UTRN: variants seen among roughly 807,000 people sequenced by gnomAD.
UTRN encodes the protein utrophin.
In UTRN, 283 loss-of-function variants were observed where a neutral mutation model predicts 463.9. The ratio of observed to expected loss-of-function variants is 0.61; its 90% CI spans 0.55 to 0.67. UTRN has a LOEUF of 0.67. UTRN is among the 30% of genes least tolerant of loss of function. The pLI is 0.00. For missense variants in UTRN, 3,922 were observed against 4,084.3 expected, an observed-to-expected ratio of 0.96 and a Z score of 1.08; for synonymous variants, 1,442 against 1,431.5, an observed-to-expected ratio of 1.01 and a Z score of -0.17.
chr6:144,470,048 G>A (rs1790366168), intron 23 of UTRN, among the ~76,000 whole-genome samples: 1 of 152,214 alleles, frequency 6.6e-6, no homozygotes, highest in African/African-American at 2.4e-5. Flanking sequence ...GCATCCCAAG[G>A]CAGAATAATT....
At chr6:144,553,767 G>A (rs1020240424) in intron 48 of UTRN, among the ~76,000 whole-genome samples, 6 of 152,078 alleles carry the variant, frequency 3.9e-5, no homozygotes, top group East Asian at 3.9e-4. Context: ...AAAAGTAGCC[G>A]GGTGTGGTGG....
In UTRN at chr6:144,490,780, TTC is replaced by T. The variant is rs547122815; in HGVS notation, c.4264-148_4264-147del. ...AGGTGATCGGGTACCCTCACTGAGA[TTC>T]ATTAGGAGTTTTTTATTTTGGGTCA... On this transcript the variant is annotated intron_variant, in intron 31 of 74. Transcript: ENST00000367545. 1.6e-4 allele frequency: 135 copies of T among 838,818 alleles called. No individual in the cohort carries two copies. The African/African-American group carries it at 2.1e-3, about 13-fold the overall frequency. 52.0% of individuals were successfully genotyped at this position (838,818 alleles called of 1,614,324 possible). A position where few individuals can be genotyped will look rare whatever the true frequency, so the allele number is the denominator to read the frequency against.
At chr6:144,372,834 A>C (rs748042417) in intron 2 of UTRN, among the ~76,000 whole-genome samples, 4 of 152,174 alleles carry the variant, frequency 2.6e-5, no homozygotes, top group Non-Finnish European at 4.4e-5. Context: ...ATCTAAAGAC[A>C]ACCCAATTGA....
chr6:144,371,357 C>T (rs1192037206), intron 2 of UTRN, among the ~76,000 whole-genome samples: 2 of 152,066 alleles, frequency 1.3e-5, no homozygotes, highest in Non-Finnish European at 2.9e-5. Context: ...TACCATGAAC[C>T]TAATTCTACA....
At chr6:144,743,276 A>AT (rs1180336348) in intron 54 of UTRN, among the ~76,000 whole-genome samples, 4 of 152,244 alleles carry the variant, frequency 2.6e-5, no homozygotes, top group African/African-American at 9.6e-5. Flanking sequence ...TGTTGATATC[A>AT]TAATTGAGAA....
At chr6:144,349,586 G>T (rs866134754) in intron 2 of UTRN, among the ~76,000 whole-genome samples, 18 of 152,172 alleles carry the variant, frequency 1.2e-4, no homozygotes, top group African/African-American at 4.1e-4. Context: ...TTGATAATGG[G>T]CTCTTTTAGG....
intron 73 of UTRN, among the ~76,000 whole-genome samples, chr6:144,845,844 C>T (rs1466542909): frequency 5.3e-5 from 8 of 152,062 alleles, no homozygotes; most frequent in African/African-American, 9.7e-5. Context: ...TCCCTCCAGA[C>T]GTTATAGGAA....
chr6:144,674,143 G>A (rs926042379), intron 51 of UTRN, among the ~76,000 whole-genome samples: 1 of 151,784 alleles, frequency 6.6e-6, no homozygotes, highest in South Asian at 2.1e-4. Context: ...TTTTTGTGAC[G>A]AATTTCCAAG....
chr6:144,672,309 T>G (rs1316564622), intron 51 of UTRN, among the ~76,000 whole-genome samples: 1 of 152,026 alleles, frequency 6.6e-6, no homozygotes, highest in African/African-American at 2.4e-5. Context: ...TTTGGTAGCT[T>G]TTTAATTACC....
intron 39 of UTRN, 55 bp from the exon 40 acceptor site, chr6:144,521,925 G>A: frequency 1.9e-6 from 2 of 1,069,154 alleles, no homozygotes; most frequent in Non-Finnish European, 2.4e-6. Flanking sequence ...CATTGTGGGG[G>A]TATTTTAAGA....
chr6:144,448,564 T>A (rs1787929725), intron 16 of UTRN, 36 bp from the exon 17 acceptor site: 1 of 1,605,354 alleles, frequency 6.2e-7, no homozygotes, highest in African/African-American at 1.3e-5. Flanking sequence ...ATGAAGCTGT[T>A]ATAAACATTG....
intron 53 of UTRN, among the ~76,000 whole-genome samples, chr6:144,716,049 T>C (rs150892671): frequency 6.6e-6 from 1 of 152,180 alleles, no homozygotes; most frequent in Non-Finnish European, 1.5e-5. Context: ...TTACATGACA[T>C]ATTTGAAATG....
chr6:144,547,097 A>T (rs1015856823), intron 46 of UTRN, among the ~76,000 whole-genome samples: 1 of 152,192 alleles, frequency 6.6e-6, no homozygotes, highest in Non-Finnish European at 1.5e-5. Flanking sequence ...CTCAGATGTC[A>T]CTTTTCTGAT....
intron 48 of UTRN, among the ~76,000 whole-genome samples, chr6:144,552,531 T>G (rs1392138542): frequency 2.0e-5 from 3 of 152,174 alleles, no homozygotes; most frequent in African/African-American, 4.8e-5. Flanking sequence ...TTCTTTCAGG[T>G]GTTTGTTTTT....
intron 51 of UTRN, among the ~76,000 whole-genome samples, chr6:144,618,463 C>A (rs1806369107): frequency 6.6e-6 from 1 of 152,136 alleles, no homozygotes; most frequent in South Asian, 2.1e-4. Flanking sequence ...CATGTATTAA[C>A]TAGGCATGTA....
intron 43 of UTRN, 93 bp downstream of exon 43, chr6:144,533,353 G>A (rs570704218): frequency 1.3e-6 from 2 of 1,507,914 alleles, no homozygotes; most frequent in African/African-American, 2.8e-5. Flanking sequence ...TTTATTGTTT[G>A]ACATTATAAT....
intron 2 of UTRN, among the ~76,000 whole-genome samples, chr6:144,293,114 G>A (rs1290154881): frequency 6.6e-6 from 1 of 152,018 alleles, no homozygotes; most frequent in Non-Finnish European, 1.5e-5. Context: ...ATGTTTTAGT[G>A]GTATAAGGTA....
chr6:144,289,740 C>T (rs148466304), intron 1 of UTRN, among the ~76,000 whole-genome samples: 4,407 of 152,258 alleles, frequency 0.029, 79 homozygotes, highest in Middle Eastern at 0.041. Flanking sequence ...CCACCGCCTC[C>T]TGGATTCAAG....
At chr6:144,830,730 T>TTTTTTG (rs1394802332) in intron 69 of UTRN, among the ~76,000 whole-genome samples, 1 of 106,992 alleles carries the variant, frequency 9.3e-6, no homozygotes. Context: ...TTGTTTTTTG[T>TTTTTTG]TTTTTTTTTG....
Sources: gnomAD v4.1 joint callset for allele counts (sites outside exome capture counted in the v4.1 genomes callset) on GRCh38, gnomAD v4.1.1 for gene constraint, MANE v1.5 for transcripts, NCBI Gene and HGNC (gene_info 2026-07-23, HGNC 2026-07-21) for gene names.